Variants in MSI2 observed in about 807,000 individuals in gnomAD.
MSI2 encodes RNA-binding protein Musashi homolog 2.
MSI2 carries 17 observed loss-of-function variants against 45.6 expected under a neutral mutation model. That is an observed-to-expected ratio of 0.37 (90% CI 0.26 to 0.56). MSI2 has a LOEUF of 0.56. MSI2 is among the 20% of genes least tolerant of loss of function. The pLI is 0.77. For synonymous variants in MSI2, 156 were observed against 158.2 expected, an observed-to-expected ratio of 0.99 and a Z score of 0.11; for missense variants, 293 against 444.2, an observed-to-expected ratio of 0.66 and a Z score of 3.06.
chr17:57,545,068 T>C (rs1022497955), intron 7 of MSI2, among the ~76,000 whole-genome samples: 1 of 151,974 alleles, frequency 6.6e-6, no homozygotes, highest in Non-Finnish European at 1.5e-5. Context: ...GCACGTTTGG[T>C]GGGGGAGGTG....
Position 57,397,287 on chromosome 17 carries a change from G to A in MSI2, c.313-4092G>A, listed in dbSNP as rs151270201. Among the ~76,000 whole-genome samples, 513 of 152,250 alleles carry A rather than the reference G, an allele frequency of 3.4e-3. 3 individuals carry two copies. The highest frequency in any genetic ancestry group is 0.012 in the African/African-American group (488 of 41,534). ...ATAACCCAAAAGGAGTATAGAACCC[G>A]GGGGCCTGCCTTGTCCAGCCTTCTC... On this transcript the variant is annotated intron_variant, in intron 5 of 13. Transcript: ENST00000284073.
At chr17:57,558,179 G>A (rs1237237407) in intron 7 of MSI2, among the ~76,000 whole-genome samples, 2 of 152,084 alleles carry the variant, frequency 1.3e-5, no homozygotes, top group Admixed American at 6.5e-5. Flanking sequence ...GAAATTCCAC[G>A]CCGTTATGGT....
chr17:57,464,853 A>G (rs2085301398), intron 6 of MSI2, among the ~76,000 whole-genome samples: 1 of 152,144 alleles, frequency 6.6e-6, no homozygotes, highest in Non-Finnish European at 1.5e-5. Context: ...CTGAGTTGAA[A>G]ACGGTCCGTC....
rs1370042366 is a variant in MSI2, at chr17:57,679,707, A to C, written c.*190A>C. On this transcript the variant is annotated 3_prime_UTR_variant, in exon 14 of 14. Coordinates refer to ENST00000284073, the MANE Select transcript of MSI2 (RefSeq NM_138962.4). ...GTTGACTACATCTCATCATCTCACG[A>C]ATCTGCTGTAATATAAGACAACAGC... is the stretch of plus-strand genomic sequence containing the variant. The C allele has an allele frequency of 1.7e-6, 1 of 602,686 alleles. No individual in the cohort carries two copies. Among genetic ancestry groups the C allele is most frequent in the Non-Finnish European group, 2.2e-6 (1 of 456,050 alleles). The allele number at this position is 602,686 out of a possible 1,614,324, so 37.3% of individuals were successfully genotyped here.
At chr17:57,554,292 G>T (rs1424536647) in intron 7 of MSI2, among the ~76,000 whole-genome samples, 1 of 152,054 alleles carries the variant, frequency 6.6e-6, no homozygotes, top group Non-Finnish European at 1.5e-5. Context: ...AATTAGACTT[G>T]GTGCTCTCAA....
intron 6 of MSI2, among the ~76,000 whole-genome samples, chr17:57,468,614 A>T (rs1172196748): frequency 6.6e-6 from 1 of 151,750 alleles, no homozygotes; most frequent in African/African-American, 2.4e-5. Flanking sequence ...AAGTTGTGGG[A>T]CTGACATCTC....
chr17:57,544,318 T>A (rs929562146), intron 7 of MSI2, among the ~76,000 whole-genome samples: 1 of 152,248 alleles, frequency 6.6e-6, no homozygotes, highest in African/African-American at 2.4e-5. Context: ...AATCCCCTGA[T>A]AAGGCCTAGT....
intron 6 of MSI2, among the ~76,000 whole-genome samples, chr17:57,423,978 G>A (rs2143317204): frequency 6.6e-6 from 1 of 152,306 alleles, no homozygotes; most frequent in Admixed American, 6.5e-5. Context: ...AATAAACCAA[G>A]AGGACAAGTA....
intron 5 of MSI2, among the ~76,000 whole-genome samples, chr17:57,376,353 C>T (rs2083496399): frequency 6.6e-6 from 1 of 152,188 alleles, no homozygotes; most frequent in African/African-American, 2.4e-5. Flanking sequence ...GACAGCAGGT[C>T]TGGGAACCCT....
chr17:57,462,253 C>G (rs1202805786), intron 6 of MSI2, among the ~76,000 whole-genome samples: 1 of 152,236 alleles, frequency 6.6e-6, no homozygotes, highest in Non-Finnish European at 1.5e-5. Flanking sequence ...GATTAGGGTT[C>G]TCTCCGACTT....
Position 57,652,219 on chromosome 17 carries a change from G to T in MSI2, c.790+58G>T. The T allele has an allele frequency of 3.3e-6, 5 of 1,501,692 alleles. No individual in the cohort carries two copies. The Middle Eastern group carries it at 5.2e-4, about 156-fold the overall frequency. The allele number at this position is 1,501,692 out of a possible 1,614,324, so 93.0% of individuals were successfully genotyped here. A position where few individuals can be genotyped will look rare whatever the true frequency, so the allele number is the denominator to read the frequency against. On this transcript the variant is annotated intron_variant, in intron 11 of 13. Coordinates refer to ENST00000284073, the MANE Select transcript of MSI2 (RefSeq NM_138962.4). The surrounding 1 kb of genome is among the most constrained non-coding windows in gnomAD (Gnocchi z 4.1). ...GCATGCCCCCAGTGTGCAGGGGGAGGTCAAGGCCCTGTCGGATCTGTGTGG... is the reference window on the plus strand; with the variant it reads ...GCATGCCCCCAGTGTGCAGGGGGAGTTCAAGGCCCTGTCGGATCTGTGTGG...
intron 5 of MSI2, among the ~76,000 whole-genome samples, chr17:57,348,026 G>A (rs947759515): frequency 3.9e-5 from 6 of 152,226 alleles, no homozygotes; most frequent in Admixed American, 6.5e-5. Flanking sequence ...GCTGCGCTGC[G>A]TGTCCAGCCT....
intron 7 of MSI2, among the ~76,000 whole-genome samples, chr17:57,555,976 C>A (rs1335554893): frequency 1.3e-5 from 2 of 152,220 alleles, no homozygotes; most frequent in African/African-American, 4.8e-5. Context: ...GCCTGGAGAC[C>A]ATGCCTCAGG....
chr17:57,692,480 G>A, the MSI2 span, among the ~76,000 whole-genome samples: 89,214 of 151,948 alleles, frequency 0.59, 26,683 homozygotes, highest in African/African-American at 0.7. Flanking sequence ...ATAAGGGGAA[G>A]ACCCTTTCAT....
chr17:57,676,988 G>T lies in MSI2; in HGVS notation c.947G>T (p.Gly316Val). ...ACCTTAACAATTGTGCAATTTTAGG[G>T]ACCTTTGATTGCAACGGCCTTTACA... Reference protein sequence around the residue: ...PGSGFGHGIAGPLIATAFTNG... With the variant: ...PGSGFGHGIAVPLIATAFTNG... The change falls in exon 13 of 14, where the codon GGA (glycine) becomes GTA (valine). Residue 316 changes from glycine (G) to valine (V), a missense_variant and splice_region_variant. Coordinates refer to ENST00000284073, the MANE Select transcript of MSI2 (RefSeq NM_138962.4). 2.5e-6 allele frequency: 4 copies of T among 1,609,374 alleles called. No homozygotes were observed. The highest frequency in any genetic ancestry group is 3.4e-6 in the Non-Finnish European group (4 of 1,175,624).
intron 7 of MSI2, among the ~76,000 whole-genome samples, chr17:57,550,892 G>A (rs1447286030): frequency 1.3e-5 from 2 of 152,112 alleles, no homozygotes; most frequent in Non-Finnish European, 2.9e-5. Flanking sequence ...CTGTGTTGGC[G>A]TCTTCCACAC....
At chr17:57,299,800 A>G (rs765903918) in intron 5 of MSI2, among the ~76,000 whole-genome samples, 19 of 152,182 alleles carry the variant, frequency 1.2e-4, no homozygotes, top group Non-Finnish European at 2.1e-4. Context: ...AATGATGCTG[A>G]TAGACTTACT....
At chr17:57,354,277 TG>T (rs1374226220) in intron 5 of MSI2, among the ~76,000 whole-genome samples, 1 of 152,202 alleles carries the variant, frequency 6.6e-6, no homozygotes, top group Non-Finnish European at 1.5e-5. Context: ...ATGTTAGTTT[TG>T]GTGTGGAAAG....
chr17:57,433,506 G>A (rs2143402186), intron 6 of MSI2, among the ~76,000 whole-genome samples: 1 of 152,304 alleles, frequency 6.6e-6, no homozygotes, highest in South Asian at 2.1e-4. Context: ...ACTCTCCCCA[G>A]AGCTTTAGAA....
Sources: gnomAD v4.1 joint callset for allele counts (sites outside exome capture counted in the v4.1 genomes callset) on GRCh38, gnomAD v4.1.1 for gene constraint, Gnocchi (gnomAD v3.1) non-coding constraint, MANE v1.5 for transcripts, NCBI Gene and HGNC (gene_info 2026-07-23, HGNC 2026-07-21) for gene names.